KCNH1: variants seen among roughly 807,000 people sequenced by gnomAD.
KCNH1 encodes potassium voltage-gated channel subfamily H member 1.
KCNH1 carries 27 observed loss-of-function variants against 69.2 expected under a neutral mutation model. The ratio of observed to expected loss-of-function variants is 0.39; its 90% CI spans 0.29 to 0.54. The LOEUF (loss-of-function observed/expected upper bound fraction) is 0.54. Among genes scored for constraint, KCNH1 ranks in the 20% least tolerant of loss-of-function variants. The pLI, the probability that KCNH1 is intolerant of heterozygous loss-of-function variation, is 0.68. For synonymous variants in KCNH1, 456 were observed against 487.7 expected, an observed-to-expected ratio of 0.93 and a Z score of 0.86; for missense variants, 798 against 1,261.6, an observed-to-expected ratio of 0.63 and a Z score of 5.57.
intron 6 of KCNH1, among the ~76,000 whole-genome samples, chr1:210,980,692 T>A (rs569594241): frequency 6.6e-6 from 1 of 152,254 alleles, no homozygotes; most frequent in South Asian, 2.1e-4. Context: ...ATGAGAATAG[T>A]ATGAGCAGTA....
At position 210,822,380 on chromosome 1, in the gene KCNH1, C is replaced by T. The variant is rs1183163950; in HGVS notation, c.1463-18214G>A. Among the ~76,000 whole-genome samples the T allele has an allele frequency of 2.6e-5, 4 of 152,032 alleles. No individual in the cohort carries two copies. In the East Asian group the frequency reaches 7.7e-4, roughly 29 times the overall value. On this transcript the variant is annotated intron_variant, in intron 7 of 10. Transcript: ENST00000271751. ...CGGGAAGCCTTATACCAGGCTAAGACACTTAGATTTGCCCATGAAACCATT... is the reference window on the plus strand; with the variant it reads ...CGGGAAGCCTTATACCAGGCTAAGATACTTAGATTTGCCCATGAAACCATT...
intron 7 of KCNH1, among the ~76,000 whole-genome samples, chr1:210,900,268 A>C (rs1205882708): frequency 1.3e-5 from 2 of 152,362 alleles, no homozygotes; most frequent in East Asian, 3.9e-4. Context: ...GGAGCTGGGA[A>C]GGGCAACAGA....
At chr1:210,988,689 A>C (rs943663943) in intron 6 of KCNH1, among the ~76,000 whole-genome samples, 7 of 152,268 alleles carry the variant, frequency 4.6e-5, no homozygotes, top group African/African-American at 1.7e-4. Flanking sequence ...ATGTGAGAAC[A>C]GAAGGCCTAT....
At chr1:211,028,022 A>G (rs1256700347) in intron 5 of KCNH1, among the ~76,000 whole-genome samples, 1 of 152,192 alleles carries the variant, frequency 6.6e-6, no homozygotes, top group Non-Finnish European at 1.5e-5. Flanking sequence ...TCTCCCCAAC[A>G]GGAGCAAAAC....
At chr1:211,041,537 C>A (rs1262346909) in intron 5 of KCNH1, among the ~76,000 whole-genome samples, 1 of 152,216 alleles carries the variant, frequency 6.6e-6, no homozygotes, top group East Asian at 1.9e-4. Context: ...TCAGCTCTCT[C>A]TACTTTCATT....
chr1:211,027,684 A>G (rs1358760279), intron 5 of KCNH1, among the ~76,000 whole-genome samples: 2 of 152,202 alleles, frequency 1.3e-5, no homozygotes, highest in Non-Finnish European at 2.9e-5. Context: ...AAACTGTCCT[A>G]TAATTGTTGT....
At chr1:210,761,031 T>A (rs1683506327) in intron 10 of KCNH1, among the ~76,000 whole-genome samples, 2 of 151,716 alleles carry the variant, frequency 1.3e-5, no homozygotes, top group Non-Finnish European at 2.9e-5. Flanking sequence ...GGCGGGCGGA[T>A]CACAAGGTCA....
intron 8 of KCNH1, 101 bp downstream of exon 8, chr1:210,803,866 T>G: frequency 9.7e-7 from 1 of 1,035,930 alleles, no homozygotes; most frequent in Non-Finnish European, 1.4e-6. Flanking sequence ...AAGTGAATTC[T>G]GAGCACAGCC....
intron 6 of KCNH1, among the ~76,000 whole-genome samples, chr1:211,006,439 T>C (rs777850997): frequency 9.2e-5 from 14 of 152,070 alleles, no homozygotes; most frequent in Non-Finnish European, 1.6e-4. Flanking sequence ...CAAAATGAGA[T>C]AACATAAAAG....
intron 5 of KCNH1, among the ~76,000 whole-genome samples, chr1:211,027,426 G>A (rs1197166694): frequency 6.6e-6 from 1 of 151,896 alleles, no homozygotes; most frequent in Non-Finnish European, 1.5e-5. Flanking sequence ...GCAACATAGT[G>A]AGACCCCATC....
chr1:211,000,669 G>A (rs1689158131), intron 6 of KCNH1, among the ~76,000 whole-genome samples: 1 of 152,092 alleles, frequency 6.6e-6, no homozygotes, highest in Non-Finnish European at 1.5e-5. Context: ...CTACTTTAAA[G>A]TTGATATGGA....
chr1:210,845,381 T>C (rs1364328202), intron 7 of KCNH1, among the ~76,000 whole-genome samples: 4 of 142,542 alleles, frequency 2.8e-5, no homozygotes, highest in South Asian at 4.5e-4. Flanking sequence ...TTATCCACCA[T>C]GATCAAGTGG....
intron 1 of KCNH1, among the ~76,000 whole-genome samples, chr1:211,107,730 G>C (rs1691383934): frequency 6.6e-6 from 1 of 152,178 alleles, no homozygotes; most frequent in South Asian, 2.1e-4. Context: ...TACAGAGCAA[G>C]AGAGAGCCCA....
chr1:210,863,291 CT>C (rs1452757269), intron 7 of KCNH1, among the ~76,000 whole-genome samples: 27 of 152,290 alleles, frequency 1.8e-4, no homozygotes, highest in African/African-American at 6.3e-4. Flanking sequence ...TTACTTTTAG[CT>C]CTGAAAATCT....
At chr1:210,954,928 G>A (rs563222015) in intron 6 of KCNH1, among the ~76,000 whole-genome samples, 1 of 152,084 alleles carries the variant, frequency 6.6e-6, no homozygotes, top group Non-Finnish European at 1.5e-5. Context: ...TGTGAATTTT[G>A]GCTTTTGTTG....
chr1:211,060,400 C>CAAAAAA (rs60620622), intron 5 of KCNH1, among the ~76,000 whole-genome samples: 20 of 44,326 alleles, frequency 4.5e-4, no homozygotes, highest in African/African-American at 4.8e-4. Context: ...GACTCCGTCT[C>CAAAAAA]AAAAAAAAAA....
chr1:210,886,973 T>A (rs993005218), intron 7 of KCNH1, among the ~76,000 whole-genome samples: 5 of 152,050 alleles, frequency 3.3e-5, no homozygotes, highest in African/African-American at 1.2e-4. Flanking sequence ...AAAACACTCT[T>A]CAGGATATTA....
At chr1:210,810,028 T>C (rs141788232) in intron 7 of KCNH1, among the ~76,000 whole-genome samples, 1 of 152,186 alleles carries the variant, frequency 6.6e-6, no homozygotes, top group African/African-American at 2.4e-5. Context: ...TTAGAGCCCC[T>C]TATTCCTGCA....
intron 1 of KCNH1, among the ~76,000 whole-genome samples, chr1:211,114,936 G>A (rs1691539573): frequency 6.6e-6 from 1 of 151,872 alleles, no homozygotes; most frequent in African/African-American, 2.4e-5. Flanking sequence ...TTTTTTGGGG[G>A]GTGTGGGAGT....
Sources: gnomAD v4.1 joint callset for allele counts (sites outside exome capture counted in the v4.1 genomes callset) on GRCh38, gnomAD v4.1.1 for gene constraint, MANE v1.5 for transcripts, NCBI Gene and HGNC (gene_info 2026-07-23, HGNC 2026-07-21) for gene names.